MMP3: variants seen among roughly 807,000 people sequenced by gnomAD.
The protein encoded by MMP3 is matrix metallopeptidase 3.
A neutral mutation model predicts 47.3 loss-of-function variants in MMP3; 46 were observed. That is an observed-to-expected ratio of 0.97 (90% CI 0.77 to 1.24). The LOEUF (loss-of-function observed/expected upper bound fraction) is 1.24. Ranked by LOEUF, MMP3 falls within the 50% of genes most tolerant of loss-of-function variation. The pLI is 0.00. For missense variants in MMP3, 558 were observed against 565.5 expected (o/e 0.99, Z 0.13); for synonymous variants, 216 against 206.5 (o/e 1.05, Z -0.39).
At position 102,842,870 on chromosome 11, in the gene MMP3, A is replaced by C. The variant is rs778863363; in HGVS notation, c.152T>G (p.Phe51Cys). 2.7e-5 allele frequency: 43 copies of C among 1,612,858 alleles called. No individual in the cohort carries two copies. The highest frequency in any genetic ancestry group is 3.6e-5 in the Non-Finnish European group (42 of 1,179,216). ...YYDLKKDVKQ[F>C]VRRKDSGPVV... Reference sequence around the variant, plus strand: ...AGGACCACTGTCCTTTCTCCTAACAAACTGTTTCACATCTTTTTTGAGGTC... The same window carrying C: ...AGGACCACTGTCCTTTCTCCTAACACACTGTTTCACATCTTTTTTGAGGTC... Residue 51 changes from phenylalanine (F) to cysteine (C), a missense_variant, in exon 2 of 10, where the codon TTT becomes TGT. Physicochemically the swap from Phe to Cys is radical, Grantham distance 205. Transcript: ENST00000299855.
Position 102,840,245 on chromosome 11 carries a change from G to C in MMP3, c.798C>G (p.Pro266=). The change falls in exon 6 of 10, where the codon CCC becomes CCG. Residue 266 remains proline (P), a synonymous_variant. Transcript: ENST00000299855. ...INGIQSLYGP[P]PDSPETPLVP... is the part of the protein sequence containing the mutation. ...CCAGGGGGGTCTCAGGGGAGTCAGG[G>C]GGAGGTCCTAAAGGGAACATTAGGG... 1 of 1,613,502 alleles carries C rather than the reference G, an allele frequency of 6.2e-7. No homozygotes were observed. The highest frequency in any genetic ancestry group is 8.5e-7 in the Non-Finnish European group (1 of 1,179,830).
Position 102,836,292 on chromosome 11 carries a change from A to G in MMP3, c.1334-66T>C. 8.0e-7 allele frequency: 1 copy of G among 1,244,198 alleles called. No homozygotes were observed. The highest frequency in any genetic ancestry group is 1.2e-6 in the Non-Finnish European group (1 of 852,264). The allele number at this position is 1,244,198 out of a possible 1,614,324, so 77.1% of individuals were successfully genotyped here. ...AATAAAGACATTTGACAATATACAA[A>G]ACTCAGAATCATAGAGAACTAAAAA... On this transcript the variant is annotated intron_variant, in intron 9 of 9. Coordinates refer to ENST00000299855, the MANE Select transcript of MMP3 (RefSeq NM_002422.5). The surrounding 1 kb of genome is among the most constrained non-coding windows in gnomAD (Gnocchi z 4.6).
rs1858895251 is a variant in MMP3 at position 102,837,078 on chromosome 11, A to G, written c.1333+220T>C. On this transcript the variant is annotated intron_variant, in intron 9 of 9. Coordinates refer to ENST00000299855, the MANE Select transcript of MMP3 (RefSeq NM_002422.5). This position sits in a 1 kb window ranked among gnomAD's most constrained non-coding sequence, Gnocchi z 4.4. ...CACTTTGATTTTATATGCATGTATA[A>G]GATAAAGTAGCGAGATTTGTGTAAT... 6.6e-6 allele frequency among the ~76,000 whole-genome samples: 1 copy of G among 152,226 alleles called. No individual in the cohort carries two copies. Among genetic ancestry groups the G allele is most frequent in the African/African-American group, 2.4e-5 (1 of 41,450 alleles).
rs1858975574 is a variant in MMP3 at position 102,840,482 on chromosome 11, AG to A, written c.736del (p.Leu246Ter). 7 of 1,614,134 alleles carry A rather than the reference AG, an allele frequency of 4.3e-6. No individual in the cohort carries two copies. Among genetic ancestry groups the A allele is most frequent in the Non-Finnish European group, 5.9e-6 (7 of 1,179,992 alleles). On this transcript the variant is annotated frameshift_variant, in exon 5 of 10. Transcript: ENST00000299855. LOFTEE classifies it high-confidence loss of function. ...ATCTTGAGACAGGCGGAACCGAGTC[AG>A]GTCTGTGAGTGAGTGATAGAGTGGG... ...MYPLYHSLTD[L>X]TRFRLSQDDI...
At position 102,837,201 on chromosome 11, in the gene MMP3, A is replaced by G; in HGVS notation, c.1333+97T>C. 3 of 915,676 alleles carry G rather than the reference A, an allele frequency of 3.3e-6. No individual in the cohort carries two copies. Among genetic ancestry groups the G allele is most frequent in the South Asian group, 3.1e-5 (2 of 63,980 alleles). 56.7% of individuals were successfully genotyped at this position (915,676 alleles called of 1,614,324 possible). On this transcript the variant is annotated intron_variant, in intron 9 of 9. Transcript: ENST00000299855. This position sits in a 1 kb window ranked among gnomAD's most constrained non-coding sequence, Gnocchi z 4.4. ...TTTTGAGAAGGGAACTGGCCCTAAG[A>G]AACACTTGTTATTAAAAAGTTTCAA...
chr11:102,842,311 G>A (rs782111717), intron 3 of MMP3, 32 bp from the exon 4 acceptor site: 1 of 1,586,626 alleles, frequency 6.3e-7, no homozygotes, highest in Middle Eastern at 1.7e-4. Flanking sequence ...GGAAAGATAT[G>A]TAACAAGGAT....
chr11:102,838,804 T>C, intron 7 of MMP3, 94 bp from the exon 8 acceptor site: 1 of 1,401,904 alleles, frequency 7.1e-7, no homozygotes. Flanking sequence ...ATTTTCATGG[T>C]AAAGTAGTAG....
Position 102,839,098 on chromosome 11 carries a change from T to C in MMP3, c.1069+12A>G. ...CTTTGGCAAGTTAAACAAATGATGATATAGTAATTACCTTTAAAAATGAAA... is the reference window on the plus strand; with the variant it reads ...CTTTGGCAAGTTAAACAAATGATGACATAGTAATTACCTTTAAAAATGAAA... On this transcript the variant is annotated intron_variant, in intron 7 of 9. Coordinates refer to ENST00000299855, the MANE Select transcript of MMP3 (RefSeq NM_002422.5). The C allele has an allele frequency of 1.2e-6, 2 of 1,605,876 alleles. No homozygotes were observed. Among genetic ancestry groups the C allele is most frequent in the Non-Finnish European group, 8.5e-7 (1 of 1,177,354 alleles).
intron 4 of MMP3, 124 bp from the exon 5 acceptor site, chr11:102,840,717 G>T (rs1404886835): frequency 3.2e-6 from 3 of 951,704 alleles, no homozygotes; most frequent in Non-Finnish European, 4.6e-6. Context: ...CACCTTGTTT[G>T]TTGGTTAATT....
intron 4 of MMP3, among the ~76,000 whole-genome samples, chr11:102,841,815 G>A (rs562756702): frequency 1.8e-4 from 28 of 151,938 alleles, no homozygotes; most frequent in African/African-American, 5.8e-4. Context: ...AACATCCAGA[G>A]CACATTTTAA....
chr11:102,842,371 C>T (rs976879845), intron 3 of MMP3, 60 bp downstream of exon 3: 102 of 1,484,132 alleles, frequency 6.9e-5, no homozygotes, highest in Admixed American at 4.0e-4. Context: ...TGAATGGATA[C>T]ATTTCATGTG....
chr11:102,842,663 A>T lies in MMP3; in HGVS notation c.350+9T>A, dbSNP rs1236228652. 2 of 1,613,654 alleles carry T rather than the reference A, an allele frequency of 1.2e-6. No individual in the cohort carries two copies. The highest frequency in any genetic ancestry group is 2.7e-5 in the African/African-American group (2 of 74,874). ...CCAATCTTATGTGAAAACCCCTCTGAACCATTACCTGTATGTAAGGTGGGT... is the reference window on the plus strand; with the variant it reads ...CCAATCTTATGTGAAAACCCCTCTGTACCATTACCTGTATGTAAGGTGGGT... On this transcript the variant is annotated intron_variant, in intron 2 of 9. Transcript: ENST00000299855.
In MMP3 at chr11:102,842,404, C is replaced by CTTTTTTTTTTTT. The variant is rs11418340; in HGVS notation, c.499+15_499+26dup. ...GTGTTTTTTGTTTTGTTTTGTTTTG[C>CTTTTTTTTTTTT]TTTTTTTTTTTTTTTTTTTTTTTTA... On this transcript the variant is annotated intron_variant, in intron 3 of 9. Coordinates refer to ENST00000299855, the MANE Select transcript of MMP3 (RefSeq NM_002422.5). 2.7e-4 allele frequency: 223 copies of CTTTTTTTTTTTT among 813,316 alleles called. 9 individuals carry two copies. The highest frequency in any genetic ancestry group is 1.2e-3 in the South Asian group (42 of 36,126). The allele number at this position is 813,316 out of a possible 1,614,324, so 50.4% of individuals were successfully genotyped here.
chr11:102,842,404 CTTTTTTTT>C lies in MMP3; in HGVS notation c.499+19_499+26del, dbSNP rs11418340. ...GTGTTTTTTGTTTTGTTTTGTTTTG[CTTTTTTTT>C]TTTTTTTTTTTTTTTTACCTCTAAC... On this transcript the variant is annotated intron_variant, in intron 3 of 9. Transcript: ENST00000299855. 4.5e-4 allele frequency: 362 copies of C among 812,810 alleles called. No homozygotes were observed. Among genetic ancestry groups the C allele is most frequent in the Middle Eastern group, 2.8e-3 (6 of 2,170 alleles). 50.3% of individuals were successfully genotyped at this position (812,810 alleles called of 1,614,324 possible).
intron 8 of MMP3, 81 bp downstream of exon 8, chr11:102,838,470 T>G: frequency 1.4e-6 from 2 of 1,432,114 alleles, no homozygotes; most frequent in Non-Finnish European, 1.9e-6. Flanking sequence ...AGGCCTAAGG[T>G]TGGGGTGGGG....
chr11:102,839,326 A>G lies in MMP3; in HGVS notation c.936-83T>C, dbSNP rs2134398997. On this transcript the variant is annotated intron_variant, in intron 6 of 9. Transcript: ENST00000299855. The stretch of plus-strand genomic sequence containing the variant: ...TTTTCCTCACCGTCTTGCCTCACCC[A>G]GCTTCCCCCATTCTCTCATCTTCTA... 2.0e-6 allele frequency: 3 copies of G among 1,494,072 alleles called. No homozygotes were observed. In the East Asian group the frequency reaches 6.9e-5, roughly 34 times the overall value. 92.6% of individuals were successfully genotyped at this position (1,494,072 alleles called of 1,614,324 possible).
rs679620 is a variant in MMP3 at position 102,842,889 on chromosome 11, T to C, written c.133A>G (p.Lys45Glu). The change falls in exon 2 of 10, where the codon AAA becomes GAA. Residue 45 changes from lysine (K) to glutamate (E), a missense_variant. Transcript: ENST00000299855. ...QKYLENYYDL[K>E]KDVKQFVRRK... is the part of the protein sequence containing the mutation. ...CTAACAAACTGTTTCACATCTTTTT[T>C]GAGGTCGTAGTAGTTTTCTAGATAT... The C allele has an allele frequency of 0.53, 846,122 of 1,608,044 alleles. 227,326 individuals are homozygous for C. Among genetic ancestry groups the C allele is most frequent in the Admixed American group, 0.68 (40,498 of 59,518 alleles).
chr11:102,838,565 C>T lies in MMP3; in HGVS notation c.1215G>A (p.Glu405=). The T allele has an allele frequency of 6.2e-7, 1 of 1,613,052 alleles. No homozygotes were observed. Among genetic ancestry groups the T allele is most frequent in the Non-Finnish European group, 8.5e-7 (1 of 1,179,694 alleles). ...KEKNKTYFFV[E]DKYWRFDEKR... is the part of the protein sequence containing the mutation. ...TTGCATCTCACCTCCAGTATTTGTC[C>T]TCTACAAAGAAATATGTTTTGTTCT... is the stretch of plus-strand genomic sequence containing the variant. Residue 405 remains glutamate (E), a synonymous_variant, in exon 8 of 10, where the codon GAG becomes GAA. Transcript: ENST00000299855.
chr11:102,838,751 C>A (rs1858935127), intron 7 of MMP3, 41 bp from the exon 8 acceptor site: 1 of 1,568,798 alleles, frequency 6.4e-7, no homozygotes, highest in Non-Finnish European at 8.7e-7. Flanking sequence ...TGAATTATAA[C>A]AGTTAAGCCC....
Sources: gnomAD v4.1 joint callset for allele counts (sites outside exome capture counted in the v4.1 genomes callset) on GRCh38, gnomAD v4.1.1 for gene constraint, Gnocchi (gnomAD v3.1) non-coding constraint, MANE v1.5 for transcripts, NCBI Gene and HGNC (gene_info 2026-07-23, HGNC 2026-07-21) for gene names.